The following CROT variants were observed in gnomAD, a reference collection of about 807,000 sequenced individuals.
The protein encoded by CROT is peroxisomal carnitine O-octanoyltransferase.
A neutral mutation model predicts 89.2 loss-of-function variants in CROT; 84 were observed. The observed-to-expected ratio is 0.94, with a 90% confidence interval of 0.79 to 1.13. CROT has a LOEUF of 1.13. Ranked by LOEUF, CROT falls within the 50% of genes most tolerant of loss-of-function variation. The pLI is 0.00. For synonymous variants in CROT, 212 were observed against 239.5 expected, an observed-to-expected ratio of 0.89 and a Z score of 1.06; for missense variants, 711 against 727.8, an observed-to-expected ratio of 0.98 and a Z score of 0.27.
At chr7:87,388,025 T>TGGGTCC (rs1807235496) in intron 13 of CROT, among the ~76,000 whole-genome samples, 1 of 152,130 alleles carries the variant, frequency 6.6e-6, no homozygotes, top group African/African-American at 2.4e-5. Flanking sequence ...TTGGTGGGTC[T>TGGGTCC]ATTACTGGGG....
chr7:87,374,432 G>A (rs986333840), intron 7 of CROT, among the ~76,000 whole-genome samples: 7 of 151,960 alleles, frequency 4.6e-5, no homozygotes, highest in Admixed American at 1.3e-4. Flanking sequence ...GTCAAAACTC[G>A]TGCTTTGAGG....
rs762858713 is a variant in CROT, at chr7:87,358,554, TTTATG to T, written c.116-647_116-643del. Among the ~76,000 whole-genome samples, 14 of 151,920 alleles carry T rather than the reference TTTATG, an allele frequency of 9.2e-5. No individual in the cohort carries two copies. The East Asian group carries it at 1.7e-3, about 19-fold the overall frequency. On this transcript the variant is annotated intron_variant, in intron 3 of 17. Transcript: ENST00000331536. The stretch of plus-strand genomic sequence containing the variant: ...CGTAAACAGTTGATTAACAGATAAT[TTTATG>T]TTATATGTATTATTTTCTGAATTAT...
chr7:87,349,170 AT>A lies in CROT; in HGVS notation c.103del (p.Tyr35ThrfsTer5). On this transcript the variant is annotated frameshift_variant, in exon 3 of 18. Coordinates refer to ENST00000331536, the MANE Select transcript of CROT (RefSeq NM_021151.4). LOFTEE classifies it high-confidence loss of function. ...VPSLEESLKK[Y>X]LESVKPFANQ... ...CTTCACTTGAAGAATCATTAAAAAA[AT>A]ACCTTGAATCAGGTATGTTAATAAT... 1 of 1,550,392 alleles carries A rather than the reference AT, an allele frequency of 6.4e-7. No individual in the cohort carries two copies. The highest frequency in any genetic ancestry group is 8.9e-7 in the Non-Finnish European group (1 of 1,127,986).
At position 87,391,704 on chromosome 7, in the gene CROT, T is replaced by C. The variant is rs755407853; in HGVS notation, c.1417T>C (p.Ser473Pro). The change falls in exon 14 of 18, where the codon TCT becomes CCT. Residue 473 changes from serine (S) to proline (P), a missense_variant. Coordinates refer to ENST00000331536, the MANE Select transcript of CROT (RefSeq NM_021151.4). ...VRWCQSMQDPSVNLRERQQKM... is the reference protein window; with the variant it reads ...VRWCQSMQDPPVNLRERQQKM... ...GTGGTGCCAGTCCATGCAGGATCCT[T>C]CTGTCAATGTGAGTATTGGAAAGGA... The C allele has an allele frequency of 3.1e-6, 5 of 1,606,942 alleles. No homozygotes were observed. The African/African-American group carries it at 6.7e-5, about 22-fold the overall frequency.
chr7:87,349,838 G>T (rs1332190484), intron 3 of CROT, among the ~76,000 whole-genome samples: 1 of 152,152 alleles, frequency 6.6e-6, no homozygotes, highest in Non-Finnish European at 1.5e-5. Context: ...GATAAAGGGT[G>T]AAGGTTGTTC....
chr7:87,354,472 A>G (rs1051507410), intron 3 of CROT: 1 of 490,376 alleles, frequency 2.0e-6, no homozygotes, highest in East Asian at 5.6e-5. Context: ...GAACAGCATT[A>G]GTTTTTTGAT....
chr7:87,375,967 TTCTC>T lies in CROT; in HGVS notation c.876+16_876+19del, dbSNP rs1276281775. On this transcript the variant is annotated intron_variant, in intron 9 of 17. Transcript: ENST00000331536. ...GATTATTCTGAGGTACTTAACTACC[TTCTC>T]TTTTTTTTTTTATTGCAGATTTTTC... 4 of 1,472,508 alleles carry T rather than the reference TTCTC, an allele frequency of 2.7e-6. No homozygotes were observed. The highest frequency in any genetic ancestry group is 4.9e-5 in the East Asian group (2 of 40,904). 91.2% of individuals were successfully genotyped at this position (1,472,508 alleles called of 1,614,324 possible). A position where few individuals can be genotyped will look rare whatever the true frequency, so the allele number is the denominator to read the frequency against.
rs768074801 is a variant in CROT at position 87,382,032 on chromosome 7, A to G, written c.1062+39A>G. The G allele has an allele frequency of 5.8e-5, 91 of 1,578,060 alleles. 1 individual carries two copies. Among genetic ancestry groups the G allele is most frequent in the South Asian group, 4.5e-5 (4 of 88,214 alleles). ...AATATTTCATCTTTTTTCTCCTAATAGTTCTATAGATAAAATATTTTTAAG... is the reference window on the plus strand; with the variant it reads ...AATATTTCATCTTTTTTCTCCTAATGGTTCTATAGATAAAATATTTTTAAG... On this transcript the variant is annotated intron_variant, in intron 11 of 17. Coordinates refer to ENST00000331536, the MANE Select transcript of CROT (RefSeq NM_021151.4).
intron 3 of CROT, chr7:87,357,382 A>C: frequency 7.8e-7 from 1 of 1,283,032 alleles, no homozygotes; most frequent in Non-Finnish European, 1.1e-6. Flanking sequence ...CTCTAACCCC[A>C]TTGGGCTAGA....
At chr7:87,393,777 G>C (rs1437963112) in intron 17 of CROT, among the ~76,000 whole-genome samples, 1 of 152,162 alleles carries the variant, frequency 6.6e-6, no homozygotes, top group African/African-American at 2.4e-5. Flanking sequence ...AATTGGAATA[G>C]TAATATGCAT....
At position 87,349,036 on chromosome 7, in the gene CROT, T is replaced by C. The variant is rs765963910; in HGVS notation, c.-21-12T>C. The C allele has an allele frequency of 1.6e-6, 2 of 1,239,776 alleles. No homozygotes were observed. The highest frequency in any genetic ancestry group is 2.6e-5 in the South Asian group (2 of 76,434). The allele number at this position is 1,239,776 out of a possible 1,614,324, so 76.8% of individuals were successfully genotyped here. On this transcript the variant is annotated splice_polypyrimidine_tract_variant and intron_variant, in intron 2 of 17. Coordinates refer to ENST00000331536, the MANE Select transcript of CROT (RefSeq NM_021151.4). ...AGATTGAAGTTGTGAGGGCTCTCTC[T>C]CTTTTCTTTAGGTTTCCTATTGTGA...
chr7:87,391,191 A>G (rs1184933263), intron 13 of CROT, among the ~76,000 whole-genome samples: 1 of 152,226 alleles, frequency 6.6e-6, no homozygotes, highest in Non-Finnish European at 1.5e-5. Flanking sequence ...AAATAAGAGA[A>G]CAAGAGAGAG....
chr7:87,359,304 G>T lies in CROT; in HGVS notation c.214G>T (p.Glu72Ter). Residue 72 changes from glutamate (E) to a stop codon, truncating the protein, a stop_gained, in exon 4 of 18, where the codon GAA becomes TAA. Coordinates refer to ENST00000331536, the MANE Select transcript of CROT (RefSeq NM_021151.4). LOFTEE classifies it high-confidence loss of function. Reference protein sequence around the residue: ...IGEKLHQKLLERAKGKRNWLE... With the variant: ...IGEKLHQKLL The stretch of plus-strand genomic sequence containing the variant: ...AGAAAAATTGCACCAGAAATTGCTT[G>T]AAAGAGCAAAAGGAAAAAGAAATTG... 1 of 1,601,612 alleles carries T rather than the reference G, an allele frequency of 6.2e-7. No individual in the cohort carries two copies. The highest frequency in any genetic ancestry group is 8.5e-7 in the Non-Finnish European group (1 of 1,170,494).
chr7:87,387,047 G>T (rs1037065680), intron 13 of CROT, among the ~76,000 whole-genome samples: 2 of 151,908 alleles, frequency 1.3e-5, no homozygotes, highest in African/African-American at 4.8e-5. Flanking sequence ...TGAGGGCGGG[G>T]TGTTGTGGAT....
At chr7:87,351,923 A>C (rs776223534) in intron 3 of CROT, among the ~76,000 whole-genome samples, 4 of 152,228 alleles carry the variant, frequency 2.6e-5, no homozygotes, top group Non-Finnish European at 5.9e-5. Flanking sequence ...CATGTAACAT[A>C]TGACTGTTTA....
In CROT at chr7:87,375,744, C is replaced by G; in HGVS notation, c.750+19C>G. The G allele has an allele frequency of 1.9e-6, 3 of 1,612,544 alleles. No homozygotes were observed. Among genetic ancestry groups the G allele is most frequent in the Non-Finnish European group, 2.5e-6 (3 of 1,178,930 alleles). On this transcript the variant is annotated intron_variant, in intron 8 of 17. Coordinates refer to ENST00000331536, the MANE Select transcript of CROT (RefSeq NM_021151.4). ...GGCTAAGGTTCTGATTTACACTTTTCTTAACGAAGCTTTTCTCTAACAAAC... is the reference window on the plus strand; with the variant it reads ...GGCTAAGGTTCTGATTTACACTTTTGTTAACGAAGCTTTTCTCTAACAAAC...
At chr7:87,379,368 G>A (rs1461698081) in intron 10 of CROT, among the ~76,000 whole-genome samples, 1 of 152,066 alleles carries the variant, frequency 6.6e-6, no homozygotes, top group Admixed American at 6.6e-5. Flanking sequence ...TCTCATTTGA[G>A]AGTTGTGTTT....
At chr7:87,383,966 C>CT (rs201281358) in intron 13 of CROT, among the ~76,000 whole-genome samples, 14 of 148,050 alleles carry the variant, frequency 9.5e-5, no homozygotes, top group Middle Eastern at 3.4e-3. Context: ...TAGGGTAGTT[C>CT]TTTTTTTTTT....
At chr7:87,376,485 T>A (rs944376557) in intron 9 of CROT, among the ~76,000 whole-genome samples, 1 of 152,088 alleles carries the variant, frequency 6.6e-6, no homozygotes, top group Non-Finnish European at 1.5e-5. Flanking sequence ...AGGGTGACAT[T>A]TGTGTCCCAG....
Sources: allele counts gnomAD v4.1 joint callset (sites outside exome capture counted in the v4.1 genomes callset), GRCh38; gene constraint gnomAD v4.1.1; transcripts MANE v1.5; gene names NCBI Gene and HGNC (gene_info 2026-07-23, HGNC 2026-07-21).